The following DNAH1 variants were observed in gnomAD, a reference collection of about 807,000 sequenced individuals.
DNAH1 encodes the protein dynein axonemal heavy chain 1.
Under a neutral mutation model 484.3 loss-of-function variants are expected in DNAH1, and 327 were observed. That is an observed-to-expected ratio of 0.68 (90% CI 0.62 to 0.74). DNAH1 has a LOEUF of 0.74. DNAH1 is among the 30% of genes least tolerant of loss of function. DNAH1 has a pLI of 0.00. For missense variants in DNAH1, 5,052 were observed against 5,546.8 expected (o/e 0.91, Z 2.83); for synonymous variants, 2,192 against 2,191.9 (o/e 1.00, Z 0.00).
Position 52,378,796 on chromosome 3 carries a change from G to T in DNAH1, c.7377+16G>T. On this transcript the variant is annotated intron_variant, in intron 47 of 77. Transcript: ENST00000420323. ...CAAGGTCGAGGTGAGGACCAGGCAG[G>T]CACCCTCCCCAGTGCCCACACTGCT... 1 of 1,613,134 alleles carries T rather than the reference G, an allele frequency of 6.2e-7. No individual in the cohort carries two copies. The highest frequency in any genetic ancestry group is 8.5e-7 in the Non-Finnish European group (1 of 1,179,758).
rs1451954778 is a variant in DNAH1, at chr3:52,379,495, A to AT, written c.7378-409dup. Among the ~76,000 whole-genome samples, 1 of 152,146 alleles carries AT rather than the reference A, an allele frequency of 6.6e-6. No homozygotes were observed. The highest frequency in any genetic ancestry group is 1.5e-5 in the Non-Finnish European group (1 of 68,028). On this transcript the variant is annotated intron_variant, in intron 47 of 77. Coordinates refer to ENST00000420323, the MANE Select transcript of DNAH1 (RefSeq NM_015512.5). The surrounding 1 kb of genome is among the most constrained non-coding windows in gnomAD (Gnocchi z 4.4). Reference sequence around the variant, plus strand: ...CAGGTTCAGAGGAGATTGGTGGGTCATGTCAGTGTGGCTTGGTGGGTGGTT... The same window carrying AT: ...CAGGTTCAGAGGAGATTGGTGGGTCATTGTCAGTGTGGCTTGGTGGGTGGTT...
intron 2 of DNAH1, 103 bp from the exon 3 acceptor site, chr3:52,323,705 C>G: frequency 2.5e-6 from 2 of 788,020 alleles, no homozygotes; most frequent in Admixed American, 4.9e-5. Flanking sequence ...TGGAGTGCTC[C>G]CTGGTGGGTC....
At chr3:52,394,388 C>T in intron 66 of DNAH1, 77 bp from the exon 67 acceptor site, 2 of 1,419,792 alleles carry the variant, frequency 1.4e-6, no homozygotes, top group South Asian at 2.4e-5. Flanking sequence ...GTTAGAGAGG[C>T]ACTACTGGGT....
intron 5 of DNAH1, among the ~76,000 whole-genome samples, chr3:52,327,553 G>A (rs772108492): frequency 6.6e-6 from 1 of 152,196 alleles, no homozygotes; most frequent in Non-Finnish European, 1.5e-5. Flanking sequence ...AGGTGGCCCT[G>A]GGCAGTGGGA....
intron 12 of DNAH1, 87 bp downstream of exon 12, chr3:52,348,061 A>G (rs1702220260): frequency 2.2e-6 from 3 of 1,388,124 alleles, no homozygotes; most frequent in Non-Finnish European, 2.9e-6. Context: ...CCACAGTTCA[A>G]CTGTATCACA....
Position 52,358,922 on chromosome 3 carries a change from C to T in DNAH1, c.4266+185C>T, listed in dbSNP as rs1410728731. ...GAAAGTGGGACTCACTCCTAATCAT[C>T]GGGATGGCTGTTCTGGTTCCCAGCA... On this transcript the variant is annotated intron_variant, in intron 25 of 77. Coordinates refer to ENST00000420323, the MANE Select transcript of DNAH1 (RefSeq NM_015512.5). The surrounding 1 kb of genome is among the most constrained non-coding windows in gnomAD (Gnocchi z 4.2). Among the ~76,000 whole-genome samples, 2 of 152,164 alleles carry T rather than the reference C, an allele frequency of 1.3e-5. No homozygotes were observed. Among genetic ancestry groups the T allele is most frequent in the Admixed American group, 6.5e-5 (1 of 15,278 alleles).
In DNAH1 at chr3:52,394,525, C is replaced by T; in HGVS notation, c.10687C>T (p.Pro3563Ser). The part of the protein sequence containing the change: ...SISIMTENPA[P>S]DWLSDRAWRD... ...CTCGATCATGACTGAGAATCCGGCA[C>T]CGGACTGGCTGTCAGACCGGGCTTG... Residue 3563 changes from proline (P) to serine (S), a missense_variant, in exon 67 of 78, where the codon CCG (proline) becomes TCG (serine). By Grantham distance (74) the Pro-to-Ser change is moderately conservative (BLOSUM62 -1). Around this residue, in one of 4 missense-constraint regions of DNAH1, gnomAD observed 853 missense variants for 899.0 expected, o/e 0.95. Transcript: ENST00000420323. 5 of 1,614,050 alleles carry T rather than the reference C, an allele frequency of 3.1e-6. No individual in the cohort carries two copies. The highest frequency in any genetic ancestry group is 4.2e-6 in the Non-Finnish European group (5 of 1,179,888).
rs1209371810 is a variant in DNAH1, at chr3:52,355,809, C to T, written c.3693+754C>T. Among the ~76,000 whole-genome samples the T allele has an allele frequency of 6.6e-6, 1 of 152,252 alleles. No homozygotes were observed. The highest frequency in any genetic ancestry group is 1.5e-5 in the Non-Finnish European group (1 of 68,040). ...TTCCATCTCCTCCAAGGCCCAGCAA[C>T]AAGCAGCCTTGCCGACTCTCCCTCA... On this transcript the variant is annotated intron_variant, in intron 21 of 77. Transcript: ENST00000420323. The surrounding 1 kb of genome is among the most constrained non-coding windows in gnomAD (Gnocchi z 4.5).
chr3:52,336,790 A>T (rs142836039), intron 8 of DNAH1, among the ~76,000 whole-genome samples: 1 of 152,274 alleles, frequency 6.6e-6, no homozygotes, highest in African/African-American at 2.4e-5. Context: ...ACATTGGACT[A>T]TGTGTCTGTT....
chr3:52,359,169 C>T, intron 25 of DNAH1, 77 bp from the exon 26 acceptor site: 3 of 1,522,430 alleles, frequency 2.0e-6, no homozygotes, highest in Non-Finnish European at 2.7e-6. Context: ...AGAGCACAGA[C>T]AGCATTCAGA....
rs1359244100 is a variant in DNAH1, at chr3:52,385,419, A to G, written c.8597A>G (p.Asp2866Gly). ...CCCCTGCTGGAGGAGGCTGCCAAGG[A>G]CACCATGCTCACCATGGAGCAGATC... ...MHPLLEEAAK[D>G]TMLTMEQIKV... The change falls in exon 54 of 78, where the codon GAC becomes GGC. Residue 2866 changes from aspartate to glycine, a missense_variant. Physicochemically the swap from Asp to Gly is moderately conservative, Grantham distance 94. Transcript: ENST00000420323. The G allele has an allele frequency of 2.6e-6, 4 of 1,552,248 alleles. No individual in the cohort carries two copies. The East Asian group carries it at 9.8e-5, about 38-fold the overall frequency.
intron 47 of DNAH1, 25 bp downstream of exon 47, chr3:52,378,805 C>G (rs780910988): frequency 1.2e-6 from 2 of 1,612,696 alleles, no homozygotes; most frequent in African/African-American, 2.7e-5. Flanking sequence ...GGCACCCTCC[C>G]CAGTGCCCAC....
intron 52 of DNAH1, among the ~76,000 whole-genome samples, chr3:52,384,333 G>A (rs549231702): frequency 6.6e-6 from 1 of 152,218 alleles, no homozygotes; most frequent in Non-Finnish European, 1.5e-5. Context: ...TCACAGATGG[G>A]GGTGTAGATT....
intron 61 of DNAH1, 26 bp from the exon 62 acceptor site, chr3:52,391,153 C>T (rs1486096693): frequency 6.2e-7 from 1 of 1,613,376 alleles, no homozygotes; most frequent in Non-Finnish European, 8.5e-7. Context: ...GTCCCTGCAA[C>T]CCCTTCTTTT....
Position 52,396,622 on chromosome 3 carries a change from T to TG in DNAH1, c.11437dup (p.Glu3813GlyfsTer21). ...CCTGCCTCCCACCTCCCCCAGGTGATGGAGTTCAAGTCTCTGCTGCTGTCT... is the reference window on the plus strand; with the variant it reads ...CCTGCCTCCCACCTCCCCCAGGTGATGGGAGTTCAAGTCTCTGCTGCTGTCT... On this transcript the variant is annotated frameshift_variant, in exon 72 of 78. Transcript: ENST00000420323. LOFTEE classifies it high-confidence loss of function. 6.2e-7 allele frequency: 1 copy of TG among 1,612,012 alleles called. No individual in the cohort carries two copies. The highest frequency in any genetic ancestry group is 8.5e-7 in the Non-Finnish European group (1 of 1,178,588).
rs762790947 is a variant in DNAH1, at chr3:52,357,774, G to T, written c.3980+39G>T. The T allele has an allele frequency of 2.4e-5, 37 of 1,572,440 alleles. 1 individual carries two copies. The South Asian group carries it at 4.3e-4, about 18-fold the overall frequency. On this transcript the variant is annotated intron_variant, in intron 23 of 77. Transcript: ENST00000420323. ...GGCCATGCCCACTCCGCCACTGTCT[G>T]CCCACAAGGCTGAGGTGTCCAGGGC...
In DNAH1 at chr3:52,395,504, G is replaced by A. The variant is rs528523505; in HGVS notation, c.11127+38G>A. Reference sequence around the variant, plus strand: ...CAGGGAGGAAGGGAGTGGGCTGGGGGGTGGGCAAGCTGGCCCCCTGCTCAG... The same window carrying A: ...CAGGGAGGAAGGGAGTGGGCTGGGGAGTGGGCAAGCTGGCCCCCTGCTCAG... On this transcript the variant is annotated intron_variant, in intron 69 of 77. Coordinates refer to ENST00000420323, the MANE Select transcript of DNAH1 (RefSeq NM_015512.5). This position sits in a 1 kb window ranked among gnomAD's most constrained non-coding sequence, Gnocchi z 4.4. The A allele has an allele frequency of 6.2e-7, 1 of 1,613,280 alleles. No individual in the cohort carries two copies. The highest frequency in any genetic ancestry group is 1.1e-5 in the South Asian group (1 of 91,084).
At chr3:52,347,088 G>A (rs1267557672) in intron 11 of DNAH1, among the ~76,000 whole-genome samples, 1 of 152,252 alleles carries the variant, frequency 6.6e-6, no homozygotes, top group East Asian at 1.9e-4. Context: ...CAGGCAGCAA[G>A]CAGATAAATA....
At chr3:52,386,021 G>C in intron 54 of DNAH1, 139 bp from the exon 55 acceptor site, 3 of 969,456 alleles carry the variant, frequency 3.1e-6, no homozygotes, top group Non-Finnish European at 4.4e-6. Flanking sequence ...GGGGCTCCTG[G>C]TATTCCCAGA....
Sources: allele counts gnomAD v4.1 joint callset (sites outside exome capture counted in the v4.1 genomes callset), GRCh38; gene constraint gnomAD v4.1.1; regional missense constraint gnomAD v4.1.1; non-coding constraint Gnocchi (gnomAD v3.1); transcripts MANE v1.5; gene names NCBI Gene and HGNC (gene_info 2026-07-23, HGNC 2026-07-21).